The following PARP4 variants were observed in gnomAD, a reference collection of about 807,000 sequenced individuals.
PARP4 encodes the protein poly(ADP-ribose) polymerase family member 4.
A neutral mutation model predicts 187.7 loss-of-function variants in PARP4; 120 were observed. That is an observed-to-expected ratio of 0.64 (90% CI 0.55 to 0.74). The LOEUF (loss-of-function observed/expected upper bound fraction) is 0.74, where lower values mean the gene tolerates loss of function less well. Ranked by LOEUF, PARP4 falls within the 30% of genes least tolerant of loss-of-function variation. The pLI is 0.00. For missense variants in PARP4, 1,836 were observed against 2,070.5 expected (o/e 0.89, Z 2.20); for synonymous variants, 654 against 740.9 (o/e 0.88, Z 1.90).
intron 1 of PARP4, among the ~76,000 whole-genome samples, chr13:24,505,357 C>T (rs1054034346): frequency 6.6e-6 from 1 of 151,724 alleles, no homozygotes; most frequent in African/African-American, 2.4e-5. Flanking sequence ...TGCAAGATAT[C>T]GATAAGATGT....
chr13:24,500,718 C>T (rs373966585), intron 3 of PARP4, among the ~76,000 whole-genome samples: 4 of 152,288 alleles, frequency 2.6e-5, no homozygotes, highest in African/African-American at 7.2e-5. Context: ...CGGCACATCA[C>T]GAGCGAAGGA....
intron 15 of PARP4, among the ~76,000 whole-genome samples, chr13:24,473,999 C>G (rs527895274): frequency 1.3e-5 from 2 of 152,270 alleles, no homozygotes; most frequent in African/African-American, 4.8e-5. Context: ...GCTGACTCCC[C>G]ACTTATAAGT....
In PARP4 at chr13:24,478,134, GCA is replaced by G. The variant is rs752340845; in HGVS notation, c.1589_1590del (p.Val530AlafsTer14). 1.0e-4 allele frequency: 167 copies of G among 1,612,118 alleles called. No homozygotes were observed. In the African/African-American group the frequency reaches 2.1e-3, roughly 20 times the overall value. On this transcript the variant is annotated frameshift_variant, in exon 13 of 34. Transcript: ENST00000381989. LOFTEE classifies it high-confidence loss of function. ...LTEAPPGYDS[V>X]HGVSQTASVT... ...ACAGAGGCTGTTTGCGAAACTCCAT[GCA>G]CACTGTCGTAGCCTGGTGGTGCTTC... is the stretch of plus-strand genomic sequence containing the variant.
rs574513100 is a variant in PARP4, at chr13:24,498,941, A to G, written c.477+360T>C. ...AAAATTTTTGCTATGAGCATGCATT[A>G]CTTTTATAATATAAACACTAAAAAT... On this transcript the variant is annotated intron_variant, in intron 5 of 33. Transcript: ENST00000381989. Among the ~76,000 whole-genome samples the G allele has an allele frequency of 3.3e-5, 5 of 152,304 alleles. No homozygotes were observed. In the South Asian group the frequency reaches 1.0e-3, roughly 32 times the overall value.
intron 25 of PARP4, among the ~76,000 whole-genome samples, chr13:24,448,188 T>G (rs1871309423): frequency 1.3e-5 from 2 of 151,774 alleles, no homozygotes; most frequent in Non-Finnish European, 2.9e-5. Flanking sequence ...CCAGCCTGGG[T>G]GAAAAAGTGA....
At chr13:24,479,255 T>C (rs1376864367) in intron 12 of PARP4, among the ~76,000 whole-genome samples, 2 of 151,732 alleles carry the variant, frequency 1.3e-5, no homozygotes, top group Non-Finnish European at 2.9e-5. Flanking sequence ...TTGTTTCACC[T>C]ACTGAAAAAA....
intron 10 of PARP4, among the ~76,000 whole-genome samples, chr13:24,490,111 A>G (rs1868547341): frequency 6.6e-6 from 1 of 152,240 alleles, no homozygotes; most frequent in Non-Finnish European, 1.5e-5. Flanking sequence ...AGCTGGGCAC[A>G]GACTCAGCCA....
chr13:24,503,129 T>C (rs1294324497), intron 2 of PARP4, among the ~76,000 whole-genome samples: 1 of 152,214 alleles, frequency 6.6e-6, no homozygotes, highest in Non-Finnish European at 1.5e-5. Flanking sequence ...ACTGCCAGGC[T>C]TACAAGTTCA....
chr13:24,469,156 TC>T, intron 16 of PARP4, 46 bp from the exon 17 acceptor site: 1 of 1,299,548 alleles, frequency 7.7e-7, no homozygotes, highest in Non-Finnish European at 1.1e-6. Context: ...AAGAGTGACT[TC>T]AGGCTTTAAT....
At chr13:24,505,736 C>T (rs927750053) in intron 1 of PARP4, among the ~76,000 whole-genome samples, 67 of 152,300 alleles carry the variant, frequency 4.4e-4, no homozygotes, top group African/African-American at 1.6e-3. Flanking sequence ...CGCTATGTTG[C>T]CCAGACTGGT....
At position 24,434,608 on chromosome 13, in the gene PARP4, ACTTC is replaced by A; in HGVS notation, c.4529_4532del (p.Gly1510ValfsTer30). ...TTTGAAAAGCAAAGACAGGACATCG[ACTTC>A]CTTCGAGACTGCCTACTGATTCTTC... is the stretch of plus-strand genomic sequence containing the variant. On this transcript the variant is annotated frameshift_variant, in exon 31 of 34. Coordinates refer to ENST00000381989, the MANE Select transcript of PARP4 (RefSeq NM_006437.4). LOFTEE classifies it high-confidence loss of function. The A allele has an allele frequency of 6.2e-7, 1 of 1,612,080 alleles. No homozygotes were observed. Among genetic ancestry groups the A allele is most frequent in the Admixed American group, 1.7e-5 (1 of 59,934 alleles).
chr13:24,453,548 G>C, intron 23 of PARP4, 39 bp downstream of exon 23: 1 of 1,292,334 alleles, frequency 7.7e-7, no homozygotes, highest in Non-Finnish European at 1.1e-6. Flanking sequence ...AGCATGGTAG[G>C]AAAAGACCCA....
At chr13:24,452,929 A>G (rs1217592270) in intron 23 of PARP4, among the ~76,000 whole-genome samples, 1 of 128,518 alleles carries the variant, frequency 7.8e-6, no homozygotes, top group African/African-American at 2.8e-5. Context: ...TTATTATTTC[A>G]TTTTATTTAT....
At chr13:24,455,539 G>C (rs1227512293) in intron 21 of PARP4, among the ~76,000 whole-genome samples, 3 of 131,944 alleles carry the variant, frequency 2.3e-5, no homozygotes, top group Non-Finnish European at 4.8e-5. Context: ...ACATGCCATT[G>C]TGATTACTAA....
At chr13:24,439,584 T>C (rs2137449143) in intron 30 of PARP4, among the ~76,000 whole-genome samples, 1 of 152,312 alleles carries the variant, frequency 6.6e-6, no homozygotes, top group African/African-American at 2.4e-5. Context: ...ATGTTTGCTA[T>C]GTTAGTCATT....
intron 27 of PARP4, among the ~76,000 whole-genome samples, chr13:24,445,263 A>G (rs1199904742): frequency 6.6e-6 from 1 of 152,020 alleles, no homozygotes; most frequent in East Asian, 1.9e-4. Flanking sequence ...CCCTACAGAC[A>G]TAAGAAATGT....
intron 10 of PARP4, among the ~76,000 whole-genome samples, chr13:24,489,677 T>G (rs1040397578): frequency 5.3e-5 from 8 of 152,070 alleles, no homozygotes; most frequent in African/African-American, 1.9e-4. Context: ...GAAGTGGTTT[T>G]GGGAATGGAT....
chr13:24,424,079 C>G (rs1008021130), intron 33 of PARP4, among the ~76,000 whole-genome samples: 1 of 152,160 alleles, frequency 6.6e-6, no homozygotes, highest in Non-Finnish European at 1.5e-5. Flanking sequence ...CCCGTCTCAG[C>G]CTCCTAAAGT....
chr13:24,441,881 A>C lies in PARP4; in HGVS notation c.3631T>G (p.Trp1211Gly). 6.2e-7 allele frequency: 1 copy of C among 1,605,990 alleles called. No homozygotes were observed. The highest frequency in any genetic ancestry group is 1.7e-4 in the Middle Eastern group (1 of 6,016). The change falls in exon 30 of 34, where the codon TGG becomes GGG. Residue 1211 changes from tryptophan to glycine, a missense_variant. Trp to Gly is a radical substitution (Grantham distance 184). Coordinates refer to ENST00000381989, the MANE Select transcript of PARP4 (RefSeq NM_006437.4). Reference protein sequence around the residue: ...EDVDFLPYMSWQGEPQEAVRN... With the variant: ...EDVDFLPYMSGQGEPQEAVRN... ...ACGGCTTCTTGGGGCTCCCCCTGCC[A>C]GCTCATGTAGGGCAGGAAGTCTACA... is the stretch of plus-strand genomic sequence containing the variant.
Sources: gnomAD v4.1 joint callset for allele counts (sites outside exome capture counted in the v4.1 genomes callset) on GRCh38, gnomAD v4.1.1 for gene constraint, MANE v1.5 for transcripts, NCBI Gene and HGNC (gene_info 2026-07-23, HGNC 2026-07-21) for gene names.